EFCAB5: variants seen among roughly 807,000 people sequenced by gnomAD.
EFCAB5 encodes the protein EF-hand calcium binding domain 5, also known as EF-hand calcium-binding domain-containing protein 5.
Under a neutral mutation model 167.9 loss-of-function variants are expected in EFCAB5, and 131 were observed. The observed-to-expected ratio is 0.78, with a 90% CI of 0.68 to 0.90. EFCAB5 has a LOEUF of 0.90. Among genes scored for constraint, EFCAB5 ranks in the 40% least tolerant of loss-of-function variants. The pLI is 0.00. For missense variants in EFCAB5, 1,663 were observed against 1,745.2 expected, an observed-to-expected ratio of 0.95 and a Z score of 0.84; for synonymous variants, 574 against 602.8, an observed-to-expected ratio of 0.95 and a Z score of 0.70.
intron 1 of EFCAB5, among the ~76,000 whole-genome samples, chr17:29,936,282 A>T (rs1238232166): frequency 1.3e-5 from 2 of 152,246 alleles, no homozygotes; most frequent in East Asian, 3.9e-4. Flanking sequence ...CAGGAAGGGG[A>T]ATATCACACA....
intron 5 of EFCAB5, 97 bp downstream of exon 5, chr17:29,993,418 A>C: frequency 7.9e-7 from 1 of 1,259,026 alleles, no homozygotes; most frequent in Non-Finnish European, 1.1e-6. Context: ...CCTCCCTTGA[A>C]ATTTTCAGTA....
chr17:29,983,687 TA>T (rs963982993), intron 4 of EFCAB5, among the ~76,000 whole-genome samples: 3 of 152,204 alleles, frequency 2.0e-5, no homozygotes, highest in Non-Finnish European at 2.9e-5. Flanking sequence ...TAATGTAAAG[TA>T]AACATCTTCA....
chr17:29,982,973 A>G (rs946780585), intron 4 of EFCAB5, among the ~76,000 whole-genome samples: 1 of 152,236 alleles, frequency 6.6e-6, no homozygotes, highest in African/African-American at 2.4e-5. Flanking sequence ...ACTCATTCAT[A>G]TAGGAAAACT....
intron 7 of EFCAB5, among the ~76,000 whole-genome samples, chr17:30,011,835 C>T (rs980239736): frequency 1.4e-4 from 22 of 152,194 alleles, no homozygotes; most frequent in South Asian, 4.2e-4. Flanking sequence ...AGACCGAGGA[C>T]GCGAGCTGTT....
chr17:30,063,483 C>T (rs1053226185), intron 14 of EFCAB5, among the ~76,000 whole-genome samples: 4 of 152,180 alleles, frequency 2.6e-5, no homozygotes, highest in African/African-American at 7.2e-5. Context: ...TGCCCTGCCC[C>T]CCAGGGGTAG....
intron 1 of EFCAB5, among the ~76,000 whole-genome samples, chr17:29,936,133 A>C (rs2067243481): frequency 6.6e-6 from 1 of 152,220 alleles, no homozygotes; most frequent in Non-Finnish European, 1.5e-5. Context: ...GCCATAAAAA[A>C]GGATGAGTTC....
intron 1 of EFCAB5, among the ~76,000 whole-genome samples, chr17:29,934,241 TA>T (rs1367227365): frequency 7.2e-5 from 11 of 152,156 alleles, no homozygotes; most frequent in African/African-American, 1.9e-4. Flanking sequence ...AAGTAGGTGA[TA>T]AAAAAACTTT....
chr17:29,937,579 G>C (rs562429292), upstream of EFCAB5, among the ~76,000 whole-genome samples: 42 of 152,242 alleles, frequency 2.8e-4, no homozygotes, highest in East Asian at 5.8e-4. Flanking sequence ...TTTGTTTACT[G>C]TCCTGGTGTG....
intron 4 of EFCAB5, among the ~76,000 whole-genome samples, chr17:29,977,186 A>G (rs1474173792): frequency 6.6e-6 from 1 of 152,104 alleles, no homozygotes; most frequent in Admixed American, 6.5e-5. Flanking sequence ...GAAGGTCATT[A>G]CCACCTTATT....
intron 4 of EFCAB5, among the ~76,000 whole-genome samples, chr17:29,981,716 CTTTTTGGT>C (rs1158715555): frequency 6.6e-6 from 1 of 152,070 alleles, no homozygotes. Flanking sequence ...TTTATTTTTG[CTTTTTGGT>C]TTTTAGATAC....
intron 1 of EFCAB5, chr17:29,929,986 C>T: frequency 6.3e-7 from 1 of 1,595,886 alleles, no homozygotes. Context: ...ACCGCTGGAC[C>T]GTGACCAAAG....
At chr17:29,954,818 G>T (rs753606546) in intron 3 of EFCAB5, among the ~76,000 whole-genome samples, 2 of 152,240 alleles carry the variant, frequency 1.3e-5, no homozygotes, top group Non-Finnish European at 2.9e-5. Flanking sequence ...CAGAAGGGGA[G>T]CTGTACCCTG....
At chr17:29,997,047 A>G (rs1190353923) in intron 6 of EFCAB5, among the ~76,000 whole-genome samples, 1 of 152,092 alleles carries the variant, frequency 6.6e-6, no homozygotes, top group Non-Finnish European at 1.5e-5. Flanking sequence ...GGAGTTTGAG[A>G]CCAGCCTGGC....
Position 30,107,970 on chromosome 17 carries a change from G to A in EFCAB5, c.4458G>A (p.Lys1486=), listed in dbSNP as rs775261812. 1.2e-6 allele frequency: 2 copies of A among 1,609,692 alleles called. No homozygotes were observed. Among genetic ancestry groups the A allele is most frequent in the South Asian group, 2.2e-5 (2 of 89,868 alleles). Residue 1486 remains lysine, a synonymous_variant, in exon 23 of 23, where the codon AAG becomes AAA. Coordinates refer to ENST00000394835, the MANE Select transcript of EFCAB5 (RefSeq NM_198529.4). ...NSGITPPLPS[K]TDNYMYAKMP... The stretch of plus-strand genomic sequence containing the variant: ...GTATTACACCTCCGTTGCCCTCCAA[G>A]ACTGACAATTATATGTATGCAAAAA...
At chr17:30,045,621 G>A (rs748298646) in intron 8 of EFCAB5, among the ~76,000 whole-genome samples, 3 of 151,964 alleles carry the variant, frequency 2.0e-5, no homozygotes, top group South Asian at 2.1e-4. Flanking sequence ...CTTCACTAAA[G>A]TTGATTTAAA....
At chr17:30,100,534 G>A (rs938534957) in intron 22 of EFCAB5, among the ~76,000 whole-genome samples, 2 of 152,180 alleles carry the variant, frequency 1.3e-5, no homozygotes, top group African/African-American at 4.8e-5. Context: ...CTGAGAGGCT[G>A]AGGTGGGTGG....
intron 3 of EFCAB5, among the ~76,000 whole-genome samples, chr17:29,944,716 C>T (rs555593688): frequency 7.5e-4 from 113 of 151,244 alleles, no homozygotes; most frequent in Non-Finnish European, 7.4e-4. Context: ...CTCAGCCTCC[C>T]GGGTTCAAGC....
intron 3 of EFCAB5, among the ~76,000 whole-genome samples, chr17:29,966,882 A>G (rs1219331588): frequency 6.6e-6 from 1 of 151,976 alleles, no homozygotes; most frequent in African/African-American, 2.4e-5. Context: ...GCACTACAAG[A>G]TATTCCAGGC....
At chr17:30,051,390 G>A (rs1008160636) in intron 9 of EFCAB5, among the ~76,000 whole-genome samples, 173 bp downstream of exon 9, 2 of 151,934 alleles carry the variant, frequency 1.3e-5, no homozygotes, top group Non-Finnish European at 2.9e-5. Context: ...TTCCCTCCAC[G>A]AAATTCACTC....
Sources: allele counts gnomAD v4.1 joint callset (sites outside exome capture counted in the v4.1 genomes callset), GRCh38; gene constraint gnomAD v4.1.1; transcripts MANE v1.5; gene names NCBI Gene and HGNC (gene_info 2026-07-23, HGNC 2026-07-21).